The following PDE8A variants were observed in gnomAD, a reference collection of about 807,000 sequenced individuals.
PDE8A encodes the protein phosphodiesterase 8A.
PDE8A carries 59 observed loss-of-function variants against 105.0 expected under a neutral mutation model. That is an observed-to-expected ratio of 0.56 (90% CI 0.46 to 0.70). PDE8A has a LOEUF of 0.70. Ranked by LOEUF, PDE8A falls within the 30% of genes least tolerant of loss-of-function variation. The pLI, the probability that PDE8A is intolerant of heterozygous loss-of-function variation, is 0.00. For synonymous variants in PDE8A, 355 were observed against 371.9 expected, an observed-to-expected ratio of 0.95 and a Z score of 0.52; for missense variants, 1,014 against 1,045.9, an observed-to-expected ratio of 0.97 and a Z score of 0.42.
At chr15:85,054,250 G>A (rs2081023262) in intron 1 of PDE8A, among the ~76,000 whole-genome samples, 1 of 152,174 alleles carries the variant, frequency 6.6e-6, no homozygotes, top group South Asian at 2.1e-4. Flanking sequence ...TTGCATCGAT[G>A]TTCATCAGGG....
intron 19 of PDE8A, among the ~76,000 whole-genome samples, chr15:85,125,396 C>T (rs1287082546): frequency 6.6e-6 from 1 of 152,166 alleles, no homozygotes. Context: ...GAATTCTCTT[C>T]AGAGAGCCTA....
At chr15:84,981,667 T>G (rs2079709461), upstream of PDE8A, among the ~76,000 whole-genome samples, 1 of 151,532 alleles carries the variant, frequency 6.6e-6, no homozygotes. Flanking sequence ...GGTGTCCACA[T>G]CTAGGCGGAG....
At chr15:85,022,490 C>T (rs905373104) in intron 1 of PDE8A, among the ~76,000 whole-genome samples, 1 of 146,492 alleles carries the variant, frequency 6.8e-6, no homozygotes, top group Non-Finnish European at 1.5e-5. Flanking sequence ...CCAGGCAAGG[C>T]GGCATTTTTC....
intron 1 of PDE8A, among the ~76,000 whole-genome samples, chr15:84,982,957 C>T (rs1368421215): frequency 2.0e-5 from 3 of 152,218 alleles, no homozygotes; most frequent in Admixed American, 6.5e-5. Context: ...TTAGAAAATA[C>T]TGTGAAACGC....
At chr15:85,008,916 G>C (rs896290867) in intron 1 of PDE8A, among the ~76,000 whole-genome samples, 1 of 152,194 alleles carries the variant, frequency 6.6e-6, no homozygotes, top group African/African-American at 2.4e-5. Context: ...TAGTAAGCCT[G>C]TGAGGCTTTC....
chr15:85,080,952 C>G (rs1489902908), intron 5 of PDE8A, among the ~76,000 whole-genome samples: 1 of 152,186 alleles, frequency 6.6e-6, no homozygotes, highest in Non-Finnish European at 1.5e-5. Context: ...GTGGCAGGCT[C>G]TCCATTTTGT....
intron 7 of PDE8A, among the ~76,000 whole-genome samples, chr15:85,089,817 G>T (rs183763070): frequency 8.5e-5 from 13 of 152,226 alleles, no homozygotes; most frequent in African/African-American, 2.9e-4. Flanking sequence ...AAGATAATTT[G>T]CACTTACAGA....
chr15:85,102,118 A>G (rs2081872700), intron 11 of PDE8A, among the ~76,000 whole-genome samples: 1 of 152,182 alleles, frequency 6.6e-6, no homozygotes, highest in South Asian at 2.1e-4. Flanking sequence ...TTACAGTGGA[A>G]GAGAACAGCA....
intron 20 of PDE8A, among the ~76,000 whole-genome samples, chr15:85,130,857 T>C (rs2082320585): frequency 6.6e-6 from 1 of 152,176 alleles, no homozygotes; most frequent in African/African-American, 2.4e-5. Context: ...CCTCCCAGGT[T>C]CAAGCAATTC....
At chr15:85,077,991 CAGG>C (rs533954775) in intron 5 of PDE8A, among the ~76,000 whole-genome samples, 24 of 151,614 alleles carry the variant, frequency 1.6e-4, no homozygotes, top group Non-Finnish European at 2.8e-4. Flanking sequence ...ACTGGAGTTC[CAGG>C]AGAAGAGGAA....
chr15:85,086,521 A>C (rs1344325825), intron 6 of PDE8A, among the ~76,000 whole-genome samples: 1 of 152,206 alleles, frequency 6.6e-6, no homozygotes. Flanking sequence ...AAAATATTAA[A>C]AGACATGTTC....
rs763519380 is a variant in PDE8A at position 85,089,371 on chromosome 15, C to T, written c.669C>T (p.Asn223=). 1 of 1,595,314 alleles carries T rather than the reference C, an allele frequency of 6.3e-7. No individual in the cohort carries two copies. The highest frequency in any genetic ancestry group is 2.2e-5 in the East Asian group (1 of 44,632). ...ACTCAGTATTCACTGCATTAGAAAA[C>T]AGTGAAGATGCAATTGAAATTACAA... ...ACNSVFTALE[N]SEDAIEITSE... The change falls in exon 7 of 22, where the codon AAC becomes AAT. Residue 223 remains asparagine, a synonymous_variant. Transcript: ENST00000394553.
chr15:85,056,541 C>G (rs1276892633), intron 1 of PDE8A, among the ~76,000 whole-genome samples: 1 of 152,158 alleles, frequency 6.6e-6, no homozygotes, highest in East Asian at 1.9e-4. Flanking sequence ...CTTCTCTTCT[C>G]ACTTCATTTC....
chr15:85,103,468 A>T (rs1427943442), intron 11 of PDE8A, among the ~76,000 whole-genome samples: 1 of 152,192 alleles, frequency 6.6e-6, no homozygotes, highest in Non-Finnish European at 1.5e-5. Context: ...AACCACCTTT[A>T]TGTCCAAAGG....
intron 1 of PDE8A, among the ~76,000 whole-genome samples, chr15:85,016,556 G>C (rs1255060531): frequency 6.6e-6 from 1 of 152,076 alleles, no homozygotes; most frequent in African/African-American, 2.4e-5. Context: ...TTTAATTATA[G>C]AGCTGTATAA....
chr15:85,036,723 A>G (rs1321637947), intron 1 of PDE8A, among the ~76,000 whole-genome samples: 1 of 152,142 alleles, frequency 6.6e-6, no homozygotes, highest in Admixed American at 6.5e-5. Context: ...GCACTGCCTC[A>G]GCTGCCCATC....
chr15:85,078,100 C>A, intron 5 of PDE8A, among the ~76,000 whole-genome samples: 2 of 138,036 alleles, frequency 1.4e-5, no homozygotes, highest in Admixed American at 7.6e-5. Context: ...CTGACATATC[C>A]AAAGTAGAGT....
intron 1 of PDE8A, among the ~76,000 whole-genome samples, chr15:84,999,134 T>TTG (rs1313324951): frequency 1.3e-5 from 2 of 151,480 alleles, no homozygotes; most frequent in East Asian, 3.9e-4. Context: ...TTTTTTTTTT[T>TTG]TTTTGAGACG....
chr15:85,101,560 G>A (rs186824505), intron 11 of PDE8A, among the ~76,000 whole-genome samples: 9 of 152,300 alleles, frequency 5.9e-5, no homozygotes, highest in African/African-American at 1.9e-4. Flanking sequence ...TTCATCTGTG[G>A]ACAGTGGGAG....
Sources: allele counts gnomAD v4.1 joint callset (sites outside exome capture counted in the v4.1 genomes callset), GRCh38; gene constraint gnomAD v4.1.1; transcripts MANE v1.5; gene names NCBI Gene and HGNC (gene_info 2026-07-23, HGNC 2026-07-21).